Variants in SMARCAL1 observed in about 807,000 individuals in gnomAD.
The protein encoded by SMARCAL1 is SNF2 related chromatin remodeling annealing helicase 1.
A neutral mutation model predicts 94.5 loss-of-function variants in SMARCAL1; 58 were observed. That is an observed-to-expected ratio of 0.61 (90% CI 0.50 to 0.76). The LOEUF is 0.76. SMARCAL1 is among the 30% of genes least tolerant of loss of function. The pLI is 0.00. For synonymous variants in SMARCAL1, 422 were observed against 455.1 expected, an observed-to-expected ratio of 0.93 and a Z score of 0.93; for missense variants, 1,051 against 1,177.9, an observed-to-expected ratio of 0.89 and a Z score of 1.58.
At chr2:216,433,661 T>C (rs538781485) in intron 8 of SMARCAL1, among the ~76,000 whole-genome samples, 2 of 152,306 alleles carry the variant, frequency 1.3e-5, no homozygotes, top group Admixed American at 6.5e-5. Context: ...ACAAGAAAAC[T>C]GTATCACTCA....
intron 5 of SMARCAL1, among the ~76,000 whole-genome samples, chr2:216,422,053 C>T (rs1055494703): frequency 6.6e-6 from 1 of 152,124 alleles, no homozygotes; most frequent in Non-Finnish European, 1.5e-5. Flanking sequence ...CCTTTCCTGC[C>T]CCCTCAGGTG....
At chr2:216,443,177 C>G (rs72948608) in intron 10 of SMARCAL1, among the ~76,000 whole-genome samples, 14,627 of 151,974 alleles carry the variant, frequency 0.096, 872 homozygotes, top group South Asian at 0.18. Context: ...TCAAGAGTTG[C>G]AGACTGGCTG....
Position 216,420,399 on chromosome 2 carries a change from C to G in SMARCAL1, c.963C>G (p.Gly321=). The part of the protein sequence containing the change: ...SPSTSSEGQA[G]LPSAPSLSFV... ...CCACCAGCAGTGAGGGACAGGCCGG[C>G]CTTCCATCAGCTCCATCCCTTTCAT... is the stretch of plus-strand genomic sequence containing the variant. The change falls in exon 5 of 18, where the codon GGC becomes GGG. Residue 321 remains glycine (G), a synonymous_variant. Transcript: ENST00000357276. 1.9e-6 allele frequency: 3 copies of G among 1,614,206 alleles called. No individual in the cohort carries two copies. Among genetic ancestry groups the G allele is most frequent in the Non-Finnish European group, 2.5e-6 (3 of 1,180,026 alleles).
Position 216,415,130 on chromosome 2 carries a change from G to C in SMARCAL1, c.426G>C (p.Glu142Asp), listed in dbSNP as rs767158204. ...EVPKQQLLSY[E>D]LGQGHAQASP... is the part of the protein sequence containing the mutation. The stretch of plus-strand genomic sequence containing the variant: ...CTAAACAACAGCTCTTGAGTTATGA[G>C]TTAGGTCAAGGTCATGCTCAGGCTT... The change falls in exon 3 of 18, where the codon GAG (glutamate) becomes GAC (aspartate). Residue 142 changes from glutamate to aspartate, a missense_variant. Around this residue, in one of 3 missense-constraint regions of SMARCAL1, gnomAD observed 398 missense variants for 395.2 expected, o/e 1.01. Transcript: ENST00000357276. 2.5e-6 allele frequency: 4 copies of C among 1,613,250 alleles called. No individual in the cohort carries two copies. The East Asian group carries it at 8.9e-5, about 36-fold the overall frequency.
intron 12 of SMARCAL1, among the ~76,000 whole-genome samples, chr2:216,458,844 A>G (rs1694632671): frequency 6.6e-6 from 1 of 152,350 alleles, no homozygotes; most frequent in Admixed American, 6.5e-5. Context: ...GCAATCAGGC[A>G]GGAGAAAGAA....
chr2:216,419,407 C>G (rs1693666298), intron 4 of SMARCAL1, among the ~76,000 whole-genome samples: 1 of 152,066 alleles, frequency 6.6e-6, no homozygotes, highest in Non-Finnish European at 1.5e-5. Flanking sequence ...TTTCTTTACT[C>G]AGGGTTTTTT....
intron 4 of SMARCAL1, among the ~76,000 whole-genome samples, chr2:216,419,369 CT>C (rs1280460873): frequency 2.6e-5 from 4 of 152,086 alleles, no homozygotes; most frequent in African/African-American, 9.7e-5. Flanking sequence ...GGTCTTAGTA[CT>C]TTTTTAAAGC....
intron 5 of SMARCAL1, among the ~76,000 whole-genome samples, chr2:216,422,949 A>G (rs1051114160): frequency 2.6e-5 from 4 of 152,266 alleles, no homozygotes; most frequent in Non-Finnish European, 4.4e-5. Flanking sequence ...CCCACTAACA[A>G]TAATTCATAA....
At chr2:216,430,353 C>T (rs1693936775) in intron 7 of SMARCAL1, among the ~76,000 whole-genome samples, 1 of 152,182 alleles carries the variant, frequency 6.6e-6, no homozygotes, top group Non-Finnish European at 1.5e-5. Context: ...AAAGCAAAAT[C>T]TCTTAGAAAT....
In SMARCAL1 at chr2:216,464,641, A is replaced by G. The variant is rs2106073095; in HGVS notation, c.2115A>G (p.Thr705=). The change falls in exon 13 of 18, where the codon ACA becomes ACG. Residue 705 remains threonine (T), a synonymous_variant. Coordinates refer to ENST00000357276, the MANE Select transcript of SMARCAL1 (RefSeq NM_014140.4). Reference sequence around the variant, plus strand: ...CCCTCATTCTCTTCTTCAACAGAACAGCTGAAGCTAAAATCCCATCTGTCA... The same window carrying G: ...CCCTCATTCTCTTCTTCAACAGAACGGCTGAAGCTAAAATCCCATCTGTCA... The part of the protein sequence containing the change: ...KDALILFFNR[T]AEAKIPSVIE... 1.2e-6 allele frequency: 2 copies of G among 1,613,208 alleles called. No individual in the cohort carries two copies. The highest frequency in any genetic ancestry group is 4.5e-5 in the East Asian group (2 of 44,866).
chr2:216,423,213 C>A (rs1693763043), intron 5 of SMARCAL1, among the ~76,000 whole-genome samples: 1 of 152,206 alleles, frequency 6.6e-6, no homozygotes, highest in African/African-American at 2.4e-5. Flanking sequence ...ATGGAGTTAA[C>A]AACAGCCCAC....
chr2:216,468,921 C>G (rs894190441), intron 14 of SMARCAL1, among the ~76,000 whole-genome samples: 8 of 152,130 alleles, frequency 5.3e-5, no homozygotes, highest in Non-Finnish European at 1.2e-4. Context: ...CCATGTTGCC[C>G]AGGCTGGTCT....
At chr2:216,416,798 A>C (rs1477333013) in intron 4 of SMARCAL1, among the ~76,000 whole-genome samples, 1 of 152,224 alleles carries the variant, frequency 6.6e-6, no homozygotes, top group East Asian at 1.9e-4. Flanking sequence ...CAAACAGCAC[A>C]GATCCTCAGA....
intron 14 of SMARCAL1, among the ~76,000 whole-genome samples, chr2:216,473,591 C>T (rs1438547492): frequency 6.6e-6 from 1 of 151,954 alleles, no homozygotes; most frequent in Non-Finnish European, 1.5e-5. Context: ...TTTTAGAACA[C>T]TTAACAATAC....
intron 6 of SMARCAL1, among the ~76,000 whole-genome samples, chr2:216,425,106 C>T (rs1403441478): frequency 6.6e-6 from 1 of 152,198 alleles, no homozygotes; most frequent in Non-Finnish European, 1.5e-5. Flanking sequence ...ACTGGGCTTG[C>T]TTTGCCCACT....
At chr2:216,446,924 G>A (rs1401019132) in intron 10 of SMARCAL1, 94 bp from the exon 11 acceptor site, 20 of 1,487,458 alleles carry the variant, frequency 1.3e-5, no homozygotes, top group South Asian at 1.1e-4. Flanking sequence ...GTCTTTTTCT[G>A]GGGGCATCCA....
chr2:216,481,694 G>C (rs1404102038), intron 17 of SMARCAL1, among the ~76,000 whole-genome samples: 1 of 151,554 alleles, frequency 6.6e-6, no homozygotes, highest in Non-Finnish European at 1.5e-5. Flanking sequence ...TAGTAGAGAT[G>C]GGGTTTCACC....
At chr2:216,480,881 G>A (rs1695179739) in intron 17 of SMARCAL1, among the ~76,000 whole-genome samples, 1 of 152,158 alleles carries the variant, frequency 6.6e-6, no homozygotes, top group Non-Finnish European at 1.5e-5. Flanking sequence ...GAGCCTGGGG[G>A]TAAAAATCAG....
At chr2:216,462,944 C>G (rs902541306) in intron 12 of SMARCAL1, among the ~76,000 whole-genome samples, 10 of 152,030 alleles carry the variant, frequency 6.6e-5, no homozygotes, top group African/African-American at 2.2e-4. Context: ...GAGCCATGAT[C>G]GAGTCCAGCC....
Sources: gnomAD v4.1 joint callset for allele counts (sites outside exome capture counted in the v4.1 genomes callset) on GRCh38, gnomAD v4.1.1 for gene constraint, gnomAD v4.1.1 regional missense constraint, MANE v1.5 for transcripts, NCBI Gene and HGNC (gene_info 2026-07-23, HGNC 2026-07-21) for gene names.